Variants in KCNMB2 observed in about 807,000 individuals in gnomAD.
The protein encoded by KCNMB2 is calcium-activated potassium channel subunit beta-2.
Under a neutral mutation model 24.5 loss-of-function variants are expected in KCNMB2, and 9 were observed. The observed-to-expected ratio is 0.37, with a 90% CI of 0.22 to 0.64. KCNMB2 has a LOEUF of 0.64. KCNMB2 is among the 30% of genes least tolerant of loss of function. KCNMB2 has a pLI of 0.63. For synonymous variants in KCNMB2, 109 were observed against 104.4 expected, an observed-to-expected ratio of 1.04 and a Z score of -0.27; for missense variants, 226 against 284.3, an observed-to-expected ratio of 0.79 and a Z score of 1.47.
intron 1 of KCNMB2, among the ~76,000 whole-genome samples, chr3:178,610,516 T>C (rs1443334264): frequency 1.3e-5 from 2 of 152,136 alleles, no homozygotes; most frequent in Non-Finnish European, 2.9e-5. Context: ...GTGTGGCTAT[T>C]TTAAATGGGA....
chr3:178,677,361 A>G (rs1311496740), intron 1 of KCNMB2, among the ~76,000 whole-genome samples: 1 of 152,216 alleles, frequency 6.6e-6, no homozygotes, highest in African/African-American at 2.4e-5. Context: ...AACCAAAGAA[A>G]TGATGAATAT....
chr3:178,839,153 A>C (rs1195086819), intron 4 of KCNMB2, among the ~76,000 whole-genome samples: 1 of 150,086 alleles, frequency 6.7e-6, no homozygotes, highest in African/African-American at 2.5e-5. Context: ...AACATCTCCC[A>C]GAAAAGTGAT....
Position 178,711,612 on chromosome 3 carries a change from TC to T in KCNMB2, c.-67-95729del, listed in dbSNP as rs202061020. ...AGCAGTCTCAGCCAGTAAAGCCACTTCCTATACGAAACCCAGAGAAAACAGA... is the reference window on the plus strand; with the variant it reads ...AGCAGTCTCAGCCAGTAAAGCCACTTCTATACGAAACCCAGAGAAAACAGA... On this transcript the variant is annotated intron_variant, in intron 1 of 4. Coordinates refer to ENST00000452583, the MANE Select transcript of KCNMB2 (RefSeq NM_181361.3). Among the ~76,000 whole-genome samples, 1,386 of 148,668 alleles carry T rather than the reference TC, an allele frequency of 9.3e-3. 24 individuals are homozygous for T. Among genetic ancestry groups the T allele is most frequent in the African/African-American group, 0.033 (1,323 of 40,402 alleles).
chr3:178,761,497 AC>A (rs1711874734), intron 1 of KCNMB2, among the ~76,000 whole-genome samples: 1 of 152,226 alleles, frequency 6.6e-6, no homozygotes, highest in Non-Finnish European at 1.5e-5. Context: ...AGTTGGCAAA[AC>A]AAAAGATAGA....
chr3:178,557,204 C>T (rs1228111508), intron 1 of KCNMB2, among the ~76,000 whole-genome samples: 1 of 152,048 alleles, frequency 6.6e-6, no homozygotes, highest in African/African-American at 2.4e-5. Flanking sequence ...ACTAGTTTTC[C>T]CAGGTGATTC....
chr3:178,632,725 C>G (rs1719365929), intron 1 of KCNMB2, among the ~76,000 whole-genome samples: 1 of 152,154 alleles, frequency 6.6e-6, no homozygotes, highest in South Asian at 2.1e-4. Flanking sequence ...CCTCACATTT[C>G]AAAACACAAT....
intron 1 of KCNMB2, among the ~76,000 whole-genome samples, chr3:178,545,514 C>A (rs1560104303): frequency 6.6e-6 from 1 of 152,188 alleles, no homozygotes; most frequent in Non-Finnish European, 1.5e-5. Context: ...AATCTAGAAT[C>A]TTTCTTGCTT....
At chr3:178,796,459 C>A (rs1713544310) in intron 1 of KCNMB2, among the ~76,000 whole-genome samples, 1 of 152,180 alleles carries the variant, frequency 6.6e-6, no homozygotes, top group African/African-American at 2.4e-5. Context: ...ACACATTCTT[C>A]TCCTCGGCAC....
chr3:178,545,973 G>A (rs1354725614), intron 1 of KCNMB2, among the ~76,000 whole-genome samples: 1 of 152,120 alleles, frequency 6.6e-6, no homozygotes, highest in South Asian at 2.1e-4. Flanking sequence ...TGGTGCTTGG[G>A]AACAGCCATG....
chr3:178,712,768 C>T (rs1228883369), intron 1 of KCNMB2, among the ~76,000 whole-genome samples: 5 of 152,194 alleles, frequency 3.3e-5, no homozygotes, highest in Non-Finnish European at 7.4e-5. Context: ...GCCTCAATCA[C>T]AGTGCAAACT....
At chr3:178,759,142 ATATATATATATC>A (rs1201609230) in intron 1 of KCNMB2, among the ~76,000 whole-genome samples, 6 of 64,058 alleles carry the variant, frequency 9.4e-5, no homozygotes, top group East Asian at 3.6e-4. Context: ...CAAGAGGGAT[ATATATATATATC>A]TATCTCCAAG....
intron 1 of KCNMB2, among the ~76,000 whole-genome samples, chr3:178,570,812 T>A (rs189877661): frequency 3.3e-5 from 5 of 152,298 alleles, no homozygotes; most frequent in Admixed American, 6.5e-5. Flanking sequence ...ATTAATGAAC[T>A]CTGGTAAGAA....
At chr3:178,663,869 G>T (rs2108573690) in intron 1 of KCNMB2, among the ~76,000 whole-genome samples, 1 of 152,222 alleles carries the variant, frequency 6.6e-6, no homozygotes, top group Admixed American at 6.5e-5. Flanking sequence ...AAACTGATGT[G>T]AAAGAAGTAC....
intron 1 of KCNMB2, among the ~76,000 whole-genome samples, chr3:178,593,766 C>T (rs1033595320): frequency 6.6e-6 from 1 of 151,118 alleles, no homozygotes; most frequent in Admixed American, 6.6e-5. Flanking sequence ...AACAGGTCAT[C>T]CTTCTCCTTT....
chr3:178,838,510 T>C (rs1025795833), intron 4 of KCNMB2, among the ~76,000 whole-genome samples: 5 of 151,386 alleles, frequency 3.3e-5, no homozygotes, highest in Non-Finnish European at 5.9e-5. Context: ...CCTCCATTCT[T>C]AACTAATCAA....
intron 1 of KCNMB2, among the ~76,000 whole-genome samples, chr3:178,707,743 T>G (rs1283415712): frequency 6.6e-6 from 1 of 152,122 alleles, no homozygotes; most frequent in Non-Finnish European, 1.5e-5. Context: ...CTGAGGTGAT[T>G]CTCACACCCT....
At chr3:178,614,463 T>C (rs954788884) in intron 1 of KCNMB2, among the ~76,000 whole-genome samples, 6 of 150,522 alleles carry the variant, frequency 4.0e-5, no homozygotes, top group Non-Finnish European at 5.9e-5. Flanking sequence ...ATAGGACTTG[T>C]GCAGGGAAAC....
intron 1 of KCNMB2, among the ~76,000 whole-genome samples, chr3:178,764,355 G>C (rs1213937990): frequency 6.6e-6 from 1 of 152,108 alleles, no homozygotes; most frequent in Admixed American, 6.6e-5. Context: ...ATAGGACATA[G>C]GACAATGGTC....
chr3:178,684,219 C>T (rs1355163717), intron 1 of KCNMB2, among the ~76,000 whole-genome samples: 7 of 151,328 alleles, frequency 4.6e-5, no homozygotes, highest in African/African-American at 7.3e-5. Context: ...GTCTGGAGGA[C>T]GTTATGCTAA....
Sources: gnomAD v4.1 joint callset for allele counts (sites outside exome capture counted in the v4.1 genomes callset) on GRCh38, gnomAD v4.1.1 for gene constraint, MANE v1.5 for transcripts, NCBI Gene and HGNC (gene_info 2026-07-23, HGNC 2026-07-21) for gene names.